Variants in ABHD3 observed in about 807,000 individuals in gnomAD.
The protein encoded by ABHD3 is phospholipase ABHD3.
ABHD3 carries 46 observed loss-of-function variants against 48.8 expected under a neutral mutation model. That is an observed-to-expected ratio of 0.94 (90% CI 0.74 to 1.20). ABHD3 has a LOEUF of 1.20. Ranked by LOEUF, ABHD3 falls within the 50% of genes most tolerant of loss-of-function variation. The pLI, the probability that ABHD3 is intolerant of heterozygous loss-of-function variation, is 0.00. For missense variants in ABHD3, 490 were observed against 497.8 expected (o/e 0.98, Z 0.15); for synonymous variants, 192 against 183.7 (o/e 1.04, Z -0.36).
intron 3 of ABHD3, among the ~76,000 whole-genome samples, chr18:21,698,724 C>T (rs186976129): frequency 6.6e-6 from 1 of 151,670 alleles, no homozygotes; most frequent in Admixed American, 6.6e-5. Flanking sequence ...TGACAGGTGT[C>T]CACCACCACA....
In ABHD3 at chr18:21,704,669, C is replaced by G. The variant is rs1312398241; in HGVS notation, c.-4G>C. 6.8e-7 allele frequency: 1 copy of G among 1,480,498 alleles called. No homozygotes were observed. The highest frequency in any genetic ancestry group is 1.3e-5 in the South Asian group (1 of 74,874). 91.7% of individuals were successfully genotyped at this position (1,480,498 alleles called of 1,614,324 possible). A position where few individuals can be genotyped will look rare whatever the true frequency, so the allele number is the denominator to read the frequency against. ...GGTCCATGGCCAGGCGCTGCATGGC[C>G]CCCGAGCGCGGCGCGCGGGTCCTGC... On this transcript the variant is annotated 5_prime_UTR_variant, in exon 1 of 9. Transcript: ENST00000289119.
At chr18:21,701,005 T>C (rs1157856203) in intron 3 of ABHD3, among the ~76,000 whole-genome samples, 1 of 147,276 alleles carries the variant, frequency 6.8e-6, no homozygotes, top group Non-Finnish European at 1.5e-5. Flanking sequence ...AACTGTATGG[T>C]GCTTAAACAT....
chr18:21,687,893 G>T (rs1003495718), intron 3 of ABHD3, among the ~76,000 whole-genome samples: 7 of 152,210 alleles, frequency 4.6e-5, no homozygotes, highest in Non-Finnish European at 8.8e-5. Context: ...ATACTCAGCA[G>T]CATCTCTGGC....
rs1313566491 is a variant in ABHD3, at chr18:21,651,755, T to C, written c.1066A>G (p.Ile356Val). 1.5e-5 allele frequency: 24 copies of C among 1,551,942 alleles called. No individual in the cohort carries two copies. Among genetic ancestry groups the C allele is most frequent in the East Asian group, 4.7e-5 (2 of 42,692 alleles). ...DVFSPSHAIP[I>V]ETAKQNPNVA... ...TTAGGATTTTGCTTAGCAGTTTCTATTGGAATAGCTTCAGACCAAAAAAAA... is the reference window on the plus strand; with the variant it reads ...TTAGGATTTTGCTTAGCAGTTTCTACTGGAATAGCTTCAGACCAAAAAAAA... Residue 356 changes from isoleucine to valine, a missense_variant, in exon 9 of 9, where the codon ATA (isoleucine) becomes GTA (valine). Physicochemically the swap from Ile to Val is conservative, Grantham distance 29. Coordinates refer to ENST00000289119, the MANE Select transcript of ABHD3 (RefSeq NM_138340.5).
rs769276100 is a variant in ABHD3 at position 21,702,484 on chromosome 18, G to A, written c.341C>T (p.Thr114Ile). ...CAGTGAAATCTGTCCTCCATCTGCA[G>A]TTTTAATAAGTTCACTGAAAGGAAT... Reference protein sequence around the residue: ...PVQYRNELIKTADGGQISLDW... With the variant: ...PVQYRNELIKIADGGQISLDW... The change falls in exon 3 of 9, where the codon ACT becomes ATT. Residue 114 changes from threonine to isoleucine, a missense_variant. By Grantham distance (89) the Thr-to-Ile change is moderately conservative. Coordinates refer to ENST00000289119, the MANE Select transcript of ABHD3 (RefSeq NM_138340.5). 4 of 1,597,454 alleles carry A rather than the reference G, an allele frequency of 2.5e-6. No individual in the cohort carries two copies. Among genetic ancestry groups the A allele is most frequent in the South Asian group, 1.1e-5 (1 of 88,726 alleles).
chr18:21,654,104 G>A (rs993129026), intron 8 of ABHD3, among the ~76,000 whole-genome samples: 4 of 151,556 alleles, frequency 2.6e-5, no homozygotes, highest in Admixed American at 6.6e-5. Context: ...CACCCACCTC[G>A]GCCTCCCAAA....
At chr18:21,704,043 C>T (rs943375486) in intron 1 of ABHD3, among the ~76,000 whole-genome samples, 5 of 152,218 alleles carry the variant, frequency 3.3e-5, no homozygotes, top group African/African-American at 1.2e-4. Flanking sequence ...AGGCGTCCGC[C>T]ACCACGCCCG....
intron 8 of ABHD3, among the ~76,000 whole-genome samples, chr18:21,653,250 T>TCCTGGGG (rs2039269401): frequency 1.3e-5 from 2 of 150,248 alleles, no homozygotes; most frequent in Admixed American, 1.3e-4. Context: ...TAATCCCAGC[T>TCCTGGGG]ACTTGGGAGG....
chr18:21,659,396 G>A lies in ABHD3; in HGVS notation c.669-53C>T, dbSNP rs2039432644. The A allele has an allele frequency of 2.0e-6, 3 of 1,533,092 alleles. No individual in the cohort carries two copies. In the East Asian group the frequency reaches 6.8e-5, roughly 35 times the overall value. The allele number at this position is 1,533,092 out of a possible 1,614,324, so 95.0% of individuals were successfully genotyped here. On this transcript the variant is annotated intron_variant, in intron 5 of 8. Coordinates refer to ENST00000289119, the MANE Select transcript of ABHD3 (RefSeq NM_138340.5). Reference sequence around the variant, plus strand: ...GTGATTAATTTGTTGTATCACAGAAGACATCCATTTCTAACTACAGACTTT... The same window carrying A: ...GTGATTAATTTGTTGTATCACAGAAAACATCCATTTCTAACTACAGACTTT...
rs375239917 is a variant in ABHD3 at position 21,700,827 on chromosome 18, C to CAAA, written c.509+1486_509+1488dup. Among the ~76,000 whole-genome samples the CAAA allele has an allele frequency of 6.3e-3, 589 of 94,162 alleles. 18 individuals are homozygous for CAAA. Among genetic ancestry groups the CAAA allele is most frequent in the East Asian group, 0.028 (89 of 3,170 alleles). 61.8% of individuals were successfully genotyped at this position (94,162 alleles called of 152,430 possible). A position where few individuals can be genotyped will look rare whatever the true frequency, so the allele number is the denominator to read the frequency against. On this transcript the variant is annotated intron_variant, in intron 3 of 8. Coordinates refer to ENST00000289119, the MANE Select transcript of ABHD3 (RefSeq NM_138340.5). ...TTTCTGAGCATGACTAAGTTTTAGC[C>CAAA]AAAAAAAAAAAAAAAAAAAAAATGG...
intron 4 of ABHD3, among the ~76,000 whole-genome samples, chr18:21,669,182 T>C (rs549284862): frequency 6.6e-6 from 1 of 152,300 alleles, no homozygotes; most frequent in East Asian, 1.9e-4. Flanking sequence ...CACTCCAGCC[T>C]TGGTGACAGA....
chr18:21,704,462 C>T (rs754587795), intron 1 of ABHD3, 42 bp downstream of exon 1: 1 of 1,322,664 alleles, frequency 7.6e-7, no homozygotes, highest in Non-Finnish European at 9.7e-7. Flanking sequence ...TACCCTAGCT[C>T]CTGGCCCAGC....
chr18:21,653,077 A>AAAAAAAAAG lies in ABHD3; in HGVS notation c.1058-1315_1058-1314insCTTTTTTTT, dbSNP rs772523934. ...CAAAAAAAAAAAAAAAAAAAAAAAA[A>AAAAAAAAAG]AAAGAGCTGGGTGTGGTGGCTCACG... On this transcript the variant is annotated intron_variant, in intron 8 of 8. Coordinates refer to ENST00000289119, the MANE Select transcript of ABHD3 (RefSeq NM_138340.5). Among the ~76,000 whole-genome samples the AAAAAAAAAG allele has an allele frequency of 3.3e-3, 250 of 76,146 alleles. 56 individuals are homozygous for AAAAAAAAAG. The highest frequency in any genetic ancestry group is 0.013 in the Middle Eastern group (1 of 76). The allele number at this position is 76,146 out of a possible 152,430, so 50.0% of individuals were successfully genotyped here. A position where few individuals can be genotyped will look rare whatever the true frequency, so the allele number is the denominator to read the frequency against.
intron 4 of ABHD3, among the ~76,000 whole-genome samples, chr18:21,665,522 AAAAC>A (rs2039601887): frequency 6.6e-6 from 1 of 152,196 alleles, no homozygotes. Context: ...TATTTATTAA[AAAAC>A]AAACAAGCAG....
At chr18:21,663,579 C>T (rs1245637439) in intron 5 of ABHD3, 2 of 1,197,466 alleles carry the variant, frequency 1.7e-6, no homozygotes, top group East Asian at 2.6e-5. Flanking sequence ...CTTAAAATAA[C>T]AGCTGGAGTA....
At chr18:21,693,035 T>C (rs920691801) in intron 3 of ABHD3, among the ~76,000 whole-genome samples, 11 of 152,184 alleles carry the variant, frequency 7.2e-5, no homozygotes, top group Non-Finnish European at 1.6e-4. Context: ...CTTCTCTCTG[T>C]ACTACCCTTT....
chr18:21,666,464 T>C (rs2039632510), intron 4 of ABHD3, among the ~76,000 whole-genome samples: 1 of 152,140 alleles, frequency 6.6e-6, no homozygotes, highest in Middle Eastern at 3.4e-3. Flanking sequence ...AGTGCTAGGA[T>C]TACAGGTGTG....
Position 21,656,955 on chromosome 18 carries a change from A to C in ABHD3, c.963T>G (p.Tyr321Ter), listed in dbSNP as rs546290809. ...TAGGACTCGGACTGGCATCAGTATA[A>C]TAATCATCAATTGTTTGGTATCCAA... ...VMFGYQTIDDYYTDASPSPRL... is the reference protein window; with the variant it reads ...VMFGYQTIDD Residue 321 changes from tyrosine (Y) to a stop codon, truncating the protein, a stop_gained, in exon 8 of 9, where the codon TAT becomes TAG. Coordinates refer to ENST00000289119, the MANE Select transcript of ABHD3 (RefSeq NM_138340.5). LOFTEE classifies it high-confidence loss of function. The C allele has an allele frequency of 1.2e-6, 2 of 1,614,094 alleles. No individual in the cohort carries two copies. Among genetic ancestry groups the C allele is most frequent in the Admixed American group, 3.3e-5 (2 of 60,016 alleles).
chr18:21,684,614 C>T (rs1194105220), intron 3 of ABHD3, among the ~76,000 whole-genome samples: 2 of 152,056 alleles, frequency 1.3e-5, no homozygotes, highest in African/African-American at 2.4e-5. Context: ...TGAGCCACTG[C>T]GTCTGGCCTT....
Sources: gnomAD v4.1 joint callset for allele counts (sites outside exome capture counted in the v4.1 genomes callset) on GRCh38, gnomAD v4.1.1 for gene constraint, MANE v1.5 for transcripts, NCBI Gene and HGNC (gene_info 2026-07-23, HGNC 2026-07-21) for gene names.